TPH2: variants seen among roughly 807,000 people sequenced by gnomAD.
The protein encoded by TPH2 is tryptophan 5-hydroxylase 2.
TPH2 carries 27 observed loss-of-function variants against 59.1 expected under a neutral mutation model. That is an observed-to-expected ratio of 0.46 (90% confidence interval 0.34 to 0.63). The LOEUF (loss-of-function observed/expected upper bound fraction) is 0.63, where lower values mean the gene tolerates loss of function less well. Among genes scored for constraint, TPH2 ranks in the 30% least tolerant of loss-of-function variants. The pLI, the probability that TPH2 is intolerant of heterozygous loss-of-function variation, is 0.01. For missense variants in TPH2, 523 were observed against 588.3 expected (o/e 0.89, Z 1.15); for synonymous variants, 220 against 210.5 (o/e 1.05, Z -0.39).
intron 5 of TPH2, among the ~76,000 whole-genome samples, chr12:71,954,385 G>A (rs576820405): frequency 3.3e-5 from 5 of 152,260 alleles, no homozygotes; most frequent in East Asian, 3.9e-4. Context: ...GAGAATGAAC[G>A]CCCTGTATCG....
At chr12:71,984,109 A>C (rs4760750) in intron 7 of TPH2, among the ~76,000 whole-genome samples, 88,124 of 152,026 alleles carry the variant, frequency 0.58, 25,791 homozygotes, top group Middle Eastern at 0.61. Flanking sequence ...TTCAGGGCAC[A>C]AGTGACTAAT....
At chr12:71,962,271 A>C in intron 5 of TPH2, 1 of 985,452 alleles carries the variant, frequency 1.0e-6, no homozygotes. Context: ...AAAAAATATT[A>C]TTAAATCATT....
chr12:71,993,763 G>A (rs1872632185), intron 7 of TPH2, among the ~76,000 whole-genome samples: 1 of 152,190 alleles, frequency 6.6e-6, no homozygotes, highest in African/African-American at 2.4e-5. Flanking sequence ...ATTACCCATT[G>A]CCTGGCAGAG....
chr12:71,994,423 A>T lies in TPH2; in HGVS notation c.942-16A>T, dbSNP rs1872645065. On this transcript the variant is annotated splice_polypyrimidine_tract_variant and intron_variant, in intron 7 of 10. Coordinates refer to ENST00000333850, the MANE Select transcript of TPH2 (RefSeq NM_173353.4). ...GCTTCTTATTTAACACGTCTTTGTG[A>T]TGTCTTTTTTGTCAGAGACACATGC... The T allele has an allele frequency of 6.2e-7, 1 of 1,613,440 alleles. No homozygotes were observed. The highest frequency in any genetic ancestry group is 8.5e-7 in the Non-Finnish European group (1 of 1,179,598).
At chr12:71,958,249 A>G (rs1266137296) in intron 5 of TPH2, among the ~76,000 whole-genome samples, 1 of 152,204 alleles carries the variant, frequency 6.6e-6, no homozygotes, top group Non-Finnish European at 1.5e-5. Flanking sequence ...TGGCCAGAAT[A>G]GTTTCTGAGT....
chr12:71,957,919 T>C (rs1871556975), intron 5 of TPH2, among the ~76,000 whole-genome samples: 2 of 152,230 alleles, frequency 1.3e-5, no homozygotes, highest in African/African-American at 4.8e-5. Context: ...AAATGTTCAT[T>C]ATGTTGACCT....
intron 5 of TPH2, among the ~76,000 whole-genome samples, chr12:71,971,823 G>A (rs192790406): frequency 6.2e-4 from 94 of 152,216 alleles, no homozygotes; most frequent in African/African-American, 2.2e-3. Flanking sequence ...GAGATATAGT[G>A]GCAGAATTGA....
intron 5 of TPH2, chr12:71,961,995 A>C: frequency 2.9e-6 from 3 of 1,033,214 alleles, no homozygotes; most frequent in Non-Finnish European, 3.5e-6. Flanking sequence ...ACGAAAATTC[A>C]TGTGTGCAAA....
At position 71,941,583 on chromosome 12, in the gene TPH2, G is replaced by A. The variant is rs1452476961; in HGVS notation, c.106-1G>A. On this transcript the variant is annotated splice_acceptor_variant, in intron 1 of 10. Coordinates refer to ENST00000333850, the MANE Select transcript of TPH2 (RefSeq NM_173353.4). LOFTEE classifies it high-confidence loss of function. ...TTTATTATGCTTCGACATTCCTGAA[G>A]CTAAATAAACCTAACTCTGGCAAAA... 3.7e-6 allele frequency: 6 copies of A among 1,613,728 alleles called. No homozygotes were observed. Among genetic ancestry groups the A allele is most frequent in the Non-Finnish European group, 4.2e-6 (5 of 1,179,824 alleles).
chr12:71,944,964 A>C (rs1871162890), intron 4 of TPH2, among the ~76,000 whole-genome samples: 1 of 152,200 alleles, frequency 6.6e-6, no homozygotes, highest in South Asian at 2.1e-4. Context: ...GGAATTAGAC[A>C]GCCTGAAATA....
chr12:71,988,781 C>T (rs1024190358), intron 7 of TPH2, among the ~76,000 whole-genome samples: 4 of 152,124 alleles, frequency 2.6e-5, no homozygotes, highest in African/African-American at 9.7e-5. Context: ...CCTCTAAGAA[C>T]TGGAAATTGT....
At chr12:71,951,322 A>G (rs1253282808) in intron 5 of TPH2, among the ~76,000 whole-genome samples, 2 of 152,024 alleles carry the variant, frequency 1.3e-5, no homozygotes, top group East Asian at 3.9e-4. Flanking sequence ...TCAGGTCATG[A>G]CTGTAAAGGT....
intron 8 of TPH2, among the ~76,000 whole-genome samples, chr12:72,021,578 C>T (rs1446754058): frequency 6.6e-6 from 1 of 151,938 alleles, no homozygotes; most frequent in Non-Finnish European, 1.5e-5. Flanking sequence ...GATGATTTTG[C>T]TCAACTGTAG....
chr12:72,017,447 A>G (rs752366241), intron 8 of TPH2, among the ~76,000 whole-genome samples: 5 of 152,220 alleles, frequency 3.3e-5, no homozygotes, highest in Non-Finnish European at 5.9e-5. Flanking sequence ...TAATGATTAT[A>G]TGTAATTATA....
intron 8 of TPH2, among the ~76,000 whole-genome samples, chr12:71,996,347 A>G (rs1872695237): frequency 6.6e-6 from 1 of 152,238 alleles, no homozygotes; most frequent in Non-Finnish European, 1.5e-5. Flanking sequence ...GTTCATTAGA[A>G]GGGACTCATT....
intron 7 of TPH2, among the ~76,000 whole-genome samples, chr12:71,993,380 TTGG>T (rs540745337): frequency 2.3e-4 from 35 of 152,346 alleles, no homozygotes; most frequent in African/African-American, 7.9e-4. Context: ...ACCTAGGTAA[TTGG>T]TGTTTTTTTC....
intron 9 of TPH2, 130 bp downstream of exon 9, chr12:72,022,624 C>A: frequency 2.5e-6 from 2 of 815,430 alleles, no homozygotes; most frequent in Non-Finnish European, 4.1e-6. Context: ...GGATTTGGCA[C>A]CTCGGATGTG....
At chr12:72,012,108 C>T (rs767633091) in intron 8 of TPH2, among the ~76,000 whole-genome samples, 1 of 152,146 alleles carries the variant, frequency 6.6e-6, no homozygotes, top group Non-Finnish European at 1.5e-5. Flanking sequence ...CTCTTCCTTT[C>T]TTTCTACCTT....
chr12:72,028,591 A>T (rs946478559), intron 9 of TPH2, among the ~76,000 whole-genome samples: 2 of 152,078 alleles, frequency 1.3e-5, no homozygotes. Flanking sequence ...TATGGGTGAC[A>T]TTACTTCATT....
Sources: gnomAD v4.1 joint callset for allele counts (sites outside exome capture counted in the v4.1 genomes callset) on GRCh38, gnomAD v4.1.1 for gene constraint, MANE v1.5 for transcripts, NCBI Gene and HGNC (gene_info 2026-07-23, HGNC 2026-07-21) for gene names.